EYA1: variants seen among roughly 807,000 people sequenced by gnomAD.
EYA1 encodes the protein protein phosphatase EYA1.
A neutral mutation model predicts 82.0 loss-of-function variants in EYA1; 16 were observed. That is an observed-to-expected ratio of 0.20 (90% CI 0.13 to 0.30). EYA1 has a LOEUF of 0.30. EYA1 is among the 10% of genes least tolerant of loss of function. EYA1 has a pLI of 1.00. For missense variants in EYA1, 633 were observed against 730.7 expected, an observed-to-expected ratio of 0.87 and a Z score of 1.54; for synonymous variants, 261 against 264.4, an observed-to-expected ratio of 0.99 and a Z score of 0.12.
In EYA1 at chr8:71,353,336, T is replaced by C. The variant is rs529600454; in HGVS notation, c.124+1446A>G. On this transcript the variant is annotated intron_variant, in intron 3 of 17. Transcript: ENST00000340726. ...GGAGAGGAAATAGGACTGCTTGCTT[T>C]AATTTTATTTGCTCTATAAAATCCA... Among the ~76,000 whole-genome samples the C allele has an allele frequency of 1.2e-4, 19 of 152,356 alleles. 1 individual carries two copies. The highest frequency in any genetic ancestry group is 3.4e-4 in the African/African-American group (14 of 41,590).
chr8:71,361,937 A>C lies in EYA1; in HGVS notation c.-345T>G, dbSNP rs1036552646. 1.9e-5 allele frequency: 19 copies of C among 985,456 alleles called. No individual in the cohort carries two copies. Among genetic ancestry groups the C allele is most frequent in the Non-Finnish European group, 2.3e-5 (19 of 829,956 alleles). 61.0% of individuals were successfully genotyped at this position (985,456 alleles called of 1,614,324 possible). A position where few individuals can be genotyped will look rare whatever the true frequency, so the allele number is the denominator to read the frequency against. On this transcript the variant is annotated 5_prime_UTR_variant, in exon 1 of 18. Coordinates refer to ENST00000340726, the MANE Select transcript of EYA1 (RefSeq NM_000503.6). ...AGTGGACGGCAACAGGAAGGCTTAA[A>C]GTCGGAAGTGGCACTGGAGAGTTTC...
At position 71,457,251 on chromosome 8, in the gene EYA1, T is replaced by A. The variant is rs146533308; in HGVS notation, c.33+78493A>T. ...GTCTAGAATGGTGATCATTAAAAAGTCAGGAAACAACAGATGCTGGAGAGG... is the reference window on the plus strand; with the variant it reads ...GTCTAGAATGGTGATCATTAAAAAGACAGGAAACAACAGATGCTGGAGAGG... On this transcript the variant is annotated intron_variant, in intron 2 of 18. Coordinates refer to the EYA1 transcript ENST00000643681. 5.1e-4 allele frequency among the ~76,000 whole-genome samples: 77 copies of A among 152,092 alleles called. 1 individual carries two copies. The East Asian group carries it at 0.014, about 28-fold the overall frequency.
Position 71,492,446 on chromosome 8 carries a change from GTTTA to G in EYA1, c.33+43294_33+43297del, listed in dbSNP as rs575948224. Among the ~76,000 whole-genome samples the G allele has an allele frequency of 3.0e-3, 459 of 151,092 alleles. 2 individuals are homozygous for G. Among genetic ancestry groups the G allele is most frequent in the Non-Finnish European group, 5.5e-3 (373 of 67,898 alleles). On this transcript the variant is annotated intron_variant, in intron 2 of 18. Transcript: ENST00000643681. ...GACATCCCCTGCCCACAGAATGACA[GTTTA>G]TTTATTTATTTATTATTATTTTTTT...
intron 2 of EYA1, among the ~76,000 whole-genome samples, chr8:71,434,599 T>A (rs909672280): frequency 1.3e-5 from 2 of 152,144 alleles, no homozygotes; most frequent in Non-Finnish European, 1.5e-5. Flanking sequence ...CCTTCAAAAG[T>A]ATGGCTGAAA....
At chr8:71,361,590 C>A (rs1001680932) in intron 1 of EYA1, 57 bp downstream of exon 1, 157 of 880,320 alleles carry the variant, frequency 1.8e-4, no homozygotes, top group Non-Finnish European at 2.1e-4. Context: ...TGGGCTTTGC[C>A]CACAGGACAG....
intron 2 of EYA1, among the ~76,000 whole-genome samples, chr8:71,492,518 G>T (rs1229670269): frequency 6.6e-6 from 1 of 150,376 alleles, no homozygotes; most frequent in Non-Finnish European, 1.5e-5. Flanking sequence ...AGGCTGGAGT[G>T]CAGTCGCGTG....
exon 2 of EYA1, chr8:71,535,815 C>A: frequency 7.1e-7 from 1 of 1,418,302 alleles, no homozygotes; most frequent in Non-Finnish European, 9.4e-7. Flanking sequence ...CTATTAGCTA[C>A]ACACTTCTTC....
At chr8:71,348,338 T>C (rs1037597359) in intron 3 of EYA1, among the ~76,000 whole-genome samples, 84 of 152,340 alleles carry the variant, frequency 5.5e-4, no homozygotes, top group Non-Finnish European at 1.6e-4. Context: ...TTTGACTAAA[T>C]ACTACCATTC....
At chr8:71,528,465 T>C (rs902693772) in intron 2 of EYA1, among the ~76,000 whole-genome samples, 3 of 152,210 alleles carry the variant, frequency 2.0e-5, no homozygotes, top group Admixed American at 1.3e-4. Context: ...AATGTGAACT[T>C]TGACGTCCAG....
chr8:71,316,855 A>T (rs1352720693), intron 7 of EYA1, among the ~76,000 whole-genome samples: 9 of 152,222 alleles, frequency 5.9e-5, no homozygotes, highest in Non-Finnish European at 1.0e-4. Flanking sequence ...CACTTTAAAG[A>T]TCTATTTGCA....
At chr8:71,328,892 T>C (rs1436068918) in intron 4 of EYA1, among the ~76,000 whole-genome samples, 1 of 152,188 alleles carries the variant, frequency 6.6e-6, no homozygotes, top group Non-Finnish European at 1.5e-5. Context: ...CCCCACTCCA[T>C]GGTCTCAAGC....
At chr8:71,477,651 G>A (rs1809774620) in intron 2 of EYA1, among the ~76,000 whole-genome samples, 1 of 151,968 alleles carries the variant, frequency 6.6e-6, no homozygotes, top group Admixed American at 6.6e-5. Flanking sequence ...AAACACTGTG[G>A]TAAAAATTTT....
At chr8:71,284,660 A>G (rs1211887050) in intron 9 of EYA1, among the ~76,000 whole-genome samples, 1 of 152,362 alleles carries the variant, frequency 6.6e-6, no homozygotes, top group East Asian at 1.9e-4. Context: ...TGTAAAGATG[A>G]TGATAAAGTG....
chr8:71,356,697 C>T (rs1826918103), intron 1 of EYA1, 186 bp from the exon 2 acceptor site: 1 of 1,280,582 alleles, frequency 7.8e-7, no homozygotes, highest in African/African-American at 1.5e-5. Flanking sequence ...TTTCCTCCTG[C>T]AGGTCTATCC....
chr8:71,446,981 C>G (rs1467932031), intron 2 of EYA1, among the ~76,000 whole-genome samples: 2 of 151,934 alleles, frequency 1.3e-5, no homozygotes, highest in Non-Finnish European at 2.9e-5. Context: ...CACTGAGCAA[C>G]CACTATATGT....
chr8:71,241,738 G>A (rs1174288154), intron 12 of EYA1, among the ~76,000 whole-genome samples: 1 of 151,618 alleles, frequency 6.6e-6, no homozygotes, highest in Non-Finnish European at 1.5e-5. Flanking sequence ...GTTGGAGTGT[G>A]AAATCAGGCA....
intron 2 of EYA1, among the ~76,000 whole-genome samples, chr8:71,485,957 G>C (rs7841345): frequency 0.08 from 12,233 of 152,196 alleles, 1,648 homozygotes; most frequent in African/African-American, 0.28. Flanking sequence ...AAATGCAAAG[G>C]GACCTGTGAA....
At chr8:71,322,331 A>G (rs568477595) in intron 4 of EYA1, 63 bp from the exon 5 acceptor site, 5 of 1,374,716 alleles carry the variant, frequency 3.6e-6, no homozygotes, top group Non-Finnish European at 5.2e-6. Flanking sequence ...AAATATATAG[A>G]AAGCACTGAC....
chr8:71,412,577 G>T (rs1218304623), intron 2 of EYA1, among the ~76,000 whole-genome samples: 1 of 152,106 alleles, frequency 6.6e-6, no homozygotes, highest in Non-Finnish European at 1.5e-5. Flanking sequence ...AGTAATACGG[G>T]AGGAGTGGAT....
Sources: gnomAD v4.1 joint callset for allele counts (sites outside exome capture counted in the v4.1 genomes callset) on GRCh38, gnomAD v4.1.1 for gene constraint, MANE v1.5 for transcripts, NCBI Gene and HGNC (gene_info 2026-07-23, HGNC 2026-07-21) for gene names.